Variants in STARD8 observed in about 807,000 individuals in gnomAD.
STARD8 encodes StAR related lipid transfer domain containing 8.
STARD8 carries 25 observed loss-of-function variants against 69.4 expected under a neutral mutation model. The observed-to-expected ratio is 0.36, with a 90% CI of 0.26 to 0.50. STARD8 has a LOEUF of 0.50. STARD8 is among the 20% of genes least tolerant of loss of function. The probability of loss-of-function intolerance (pLI) is 0.96; values close to 1 mark genes in which losing one functional copy is unlikely to be tolerated. For synonymous variants in STARD8, 389 were observed against 374.6 expected (o/e 1.04, Z -0.45); for missense variants, 921 against 932.5 (o/e 0.99, Z 0.16).
At position 68,665,548 on chromosome X, in the gene STARD8, G is replaced by A; in HGVS notation, c.79+16G>A. 1 of 1,205,557 alleles carries A rather than the reference G, an allele frequency of 8.3e-7. No homozygotes were observed. The highest frequency in any genetic ancestry group is 1.1e-6 in the Non-Finnish European group (1 of 892,045). On this transcript the variant is annotated intron_variant, in intron 2 of 14. Transcript: ENST00000374599. ...AAGAACGCTGGTAAGTACACGAGGT[G>A]GGCATTGCAAGTGGCATACAAAGAG...
At chrX:68,674,424 C>A (rs1434743420) in intron 2 of STARD8, among the ~76,000 whole-genome samples, 1 of 110,589 alleles carries the variant, frequency 9.0e-6, no homozygotes, top group Non-Finnish European at 1.9e-5. Flanking sequence ...GGAATAAATT[C>A]TTTCTGTTCA....
chrX:68,701,795 G>C (rs1255432798), intron 2 of STARD8, among the ~76,000 whole-genome samples: 1 of 111,769 alleles, frequency 8.9e-6, no homozygotes, highest in African/African-American at 3.3e-5. Flanking sequence ...GGGAGGAAGA[G>C]ACATTTGAAT....
At position 68,719,217 on chromosome X, in the gene STARD8, C is replaced by T. The variant is rs371903196; in HGVS notation, c.1716-8C>T. ...GGCTTCTCCACCCCTCTCACCGCCCCCCACCAGGAAGCTCCGTTGGCATAG... is the reference window on the plus strand; with the variant it reads ...GGCTTCTCCACCCCTCTCACCGCCCTCCACCAGGAAGCTCCGTTGGCATAG... On this transcript the variant is annotated splice_region_variant and splice_polypyrimidine_tract_variant and intron_variant, in intron 6 of 14. Coordinates refer to ENST00000374599, the MANE Select transcript of STARD8 (RefSeq NM_001142503.3). 8.4e-5 allele frequency: 99 copies of T among 1,172,067 alleles called. No homozygotes were observed. Among genetic ancestry groups the T allele is most frequent in the Non-Finnish European group, 1.1e-4 (93 of 875,001 alleles).
intron 2 of STARD8, among the ~76,000 whole-genome samples, chrX:68,666,300 G>T (rs777313663): frequency 6.4e-4 from 72 of 112,234 alleles, no homozygotes; most frequent in South Asian, 1.1e-3. Context: ...CATCGTCCTG[G>T]CTCTAGCCTG....
At position 68,721,519 on chromosome X, in the gene STARD8, C is replaced by CGAA. The variant is rs2080148460; in HGVS notation, c.2249-17_2249-16insGAA. ...TGGGGAAGTAAGGAAGGCTCTTCTT[C>CGAA]CATTGCTTCCTCACAGTCCTCCCCA... On this transcript the variant is annotated splice_polypyrimidine_tract_variant and intron_variant, in intron 9 of 14. Transcript: ENST00000374599. 8.3e-7 allele frequency: 1 copy of CGAA among 1,204,681 alleles called. No homozygotes were observed. The highest frequency in any genetic ancestry group is 1.1e-6 in the Non-Finnish European group (1 of 891,898).
intron 2 of STARD8, among the ~76,000 whole-genome samples, chrX:68,682,253 C>A (rs781139000): frequency 1.3e-3 from 141 of 112,091 alleles, no homozygotes; most frequent in Middle Eastern, 4.6e-3. Context: ...CCCACCTTGG[C>A]CTCCCAAAGT....
chrX:68,652,969 ACAC>A (rs1264466555), intron 1 of STARD8, among the ~76,000 whole-genome samples: 1 of 42,168 alleles, frequency 2.4e-5, no homozygotes, highest in Non-Finnish European at 4.3e-5. Context: ...CACACACCAC[ACAC>A]CACACACCAC....
chrX:68,702,810 AAACTT>A (rs1187606070), intron 2 of STARD8, among the ~76,000 whole-genome samples: 3 of 111,447 alleles, frequency 2.7e-5, no homozygotes, highest in Non-Finnish European at 5.6e-5. Context: ...TTAAAAAAAA[AAACTT>A]AAAGAAATGT....
rs191951084 is a variant in STARD8 at position 68,715,432 on chromosome X, G to T, written c.233+57G>T. 4 of 1,048,427 alleles carry T rather than the reference G, an allele frequency of 3.8e-6. No individual in the cohort carries two copies. In the African/African-American group the frequency reaches 7.6e-5, roughly 20 times the overall value. 86.4% of individuals were successfully genotyped at this position (1,048,427 alleles called of 1,213,427 possible). ...CAAAGGCCTGGCTTGAAGCTTCCTC[G>T]TGGAAAAAAACATCCCTTGTACCCT... On this transcript the variant is annotated intron_variant, in intron 4 of 14. Coordinates refer to ENST00000374599, the MANE Select transcript of STARD8 (RefSeq NM_001142503.3).
Position 68,724,401 on chromosome X carries a change from G to T in STARD8, c.3291G>T (p.Ala1097=), listed in dbSNP as rs761142242. ...ACTCCTTCCCCACCCTGCAGGCAGC[G>T]GGCCCTGAGACAAAGCTGTGAGCCT... is the stretch of plus-strand genomic sequence containing the variant. ...IRDSFPTLQA[A]GPETKL Residue 1097 remains alanine, a synonymous_variant, in exon 15 of 15, where the codon GCG becomes GCT. Coordinates refer to ENST00000374599, the MANE Select transcript of STARD8 (RefSeq NM_001142503.3). The T allele has an allele frequency of 8.3e-7, 1 of 1,203,844 alleles. No individual in the cohort carries two copies. Among genetic ancestry groups the T allele is most frequent in the Non-Finnish European group, 1.1e-6 (1 of 891,421 alleles).
chrX:68,682,258 C>T (rs956432183), intron 2 of STARD8, among the ~76,000 whole-genome samples: 3 of 112,109 alleles, frequency 2.7e-5, no homozygotes, highest in African/African-American at 9.7e-5. Flanking sequence ...CTTGGCCTCC[C>T]AAAGTGCTGG....
intron 2 of STARD8, among the ~76,000 whole-genome samples, chrX:68,703,187 G>A (rs189404364): frequency 8.9e-6 from 1 of 112,141 alleles, no homozygotes; most frequent in Admixed American, 9.4e-5. Flanking sequence ...TTGAGCCCGG[G>A]AGGTCGAGGC....
chrX:68,712,523 G>A (rs1403081603), intron 2 of STARD8, among the ~76,000 whole-genome samples: 3 of 112,885 alleles, frequency 2.7e-5, no homozygotes, highest in Non-Finnish European at 5.6e-5. Context: ...GGTCTACCCA[G>A]GGCCTTGGAA....
intron 2 of STARD8, among the ~76,000 whole-genome samples, chrX:68,704,613 G>A (rs1449565335): frequency 3.6e-5 from 4 of 111,963 alleles, no homozygotes; most frequent in Non-Finnish European, 7.5e-5. Context: ...CATGTGGCCA[G>A]AAGAGAGCAA....
At chrX:68,701,579 G>A (rs1488889223) in intron 2 of STARD8, among the ~76,000 whole-genome samples, 1 of 112,813 alleles carries the variant, frequency 8.9e-6, no homozygotes, top group Non-Finnish European at 1.9e-5. Flanking sequence ...TGGACAGATG[G>A]ATAGAGGGAA....
chrX:68,683,854 A>G (rs1474821396), intron 2 of STARD8, among the ~76,000 whole-genome samples: 2 of 111,851 alleles, frequency 1.8e-5, no homozygotes, highest in Non-Finnish European at 3.8e-5. Flanking sequence ...GGGTCCAATC[A>G]TTCTCTGGGG....
In STARD8 at chrX:68,725,602, ATG is replaced by A. The variant is rs1334393151; in HGVS notation, c.*1184_*1185del. 9.6e-6 allele frequency: 1 copy of A among 104,132 alleles called. No homozygotes were observed. Among genetic ancestry groups the A allele is most frequent in the African/African-American group, 3.6e-5 (1 of 27,603 alleles). 8.6% of individuals were successfully genotyped at this position (104,132 alleles called of 1,213,427 possible). On this transcript the variant is annotated 3_prime_UTR_variant, in exon 15 of 15. Coordinates refer to ENST00000374599, the MANE Select transcript of STARD8 (RefSeq NM_001142503.3). ...TATGTGTGTGTGTGTGTGTGTGTATATGTGTTTATAGAGATACACACACATAT... is the reference window on the plus strand; with the variant it reads ...TATGTGTGTGTGTGTGTGTGTGTATATGTTTATAGAGATACACACACATAT...
rs374763566 is a variant in STARD8 at position 68,718,213 on chromosome X, G to A, written c.1299G>A (p.Glu433=). 5 of 1,209,984 alleles carry A rather than the reference G, an allele frequency of 4.1e-6. No homozygotes were observed. Among genetic ancestry groups the A allele is most frequent in the East Asian group, 5.9e-5 (2 of 33,723 alleles). ...ATSSVEIATV[E]VKCQAEALSQ... The stretch of plus-strand genomic sequence containing the variant: ...CATCAGTAGAAATAGCCACAGTTGA[G>A]GTCAAATGCCAAGCTGAGGCTCTCA... Residue 433 remains glutamate, a synonymous_variant, in exon 6 of 15, where the codon GAG becomes GAA. Coordinates refer to ENST00000374599, the MANE Select transcript of STARD8 (RefSeq NM_001142503.3).
intron 2 of STARD8, among the ~76,000 whole-genome samples, chrX:68,669,730 T>C (rs982190956): frequency 9.0e-6 from 1 of 111,711 alleles, no homozygotes; most frequent in African/African-American, 3.3e-5. Flanking sequence ...GACTCATCCA[T>C]CAGCTGCCCC....
Sources: gnomAD v4.1 joint callset for allele counts (sites outside exome capture counted in the v4.1 genomes callset) on GRCh38, gnomAD v4.1.1 for gene constraint, MANE v1.5 for transcripts, NCBI Gene and HGNC (gene_info 2026-07-23, HGNC 2026-07-21) for gene names.